The following AGBL4 variants were observed in gnomAD, a reference collection of about 807,000 sequenced individuals.
AGBL4 encodes AGBL carboxypeptidase 4.
In AGBL4, 58 loss-of-function variants were observed where a neutral mutation model predicts 66.4. The observed-to-expected ratio is 0.87, with a 90% CI of 0.71 to 1.09. The LOEUF (loss-of-function observed/expected upper bound fraction) is 1.09. Among genes scored for constraint, AGBL4 ranks in the 50% least tolerant of loss-of-function variants. AGBL4 has a pLI of 0.00. For missense variants in AGBL4, 579 were observed against 631.0 expected (o/e 0.92, Z 0.88); for synonymous variants, 234 against 222.9 (o/e 1.05, Z -0.44).
At chr1:49,372,665 TTC>T (rs1417164544) in intron 3 of AGBL4, among the ~76,000 whole-genome samples, 12 of 109,354 alleles carry the variant, frequency 1.1e-4, no homozygotes, top group Admixed American at 1.7e-4. Flanking sequence ...CTTTCTTTCT[TTC>T]TTTCTTTCTT....
At chr1:49,108,124 C>T (rs1378547666) in intron 4 of AGBL4, among the ~76,000 whole-genome samples, 1 of 152,200 alleles carries the variant, frequency 6.6e-6, no homozygotes, top group South Asian at 2.1e-4. Context: ...CAACCCTCTG[C>T]ACTGTAAGAA....
chr1:48,640,483 C>T (rs562703429), intron 8 of AGBL4, among the ~76,000 whole-genome samples: 5 of 152,318 alleles, frequency 3.3e-5, no homozygotes, highest in African/African-American at 7.2e-5. Context: ...TAGATAGTTA[C>T]TTTCAGATAT....
At chr1:49,022,716 A>G (rs1411228604) in intron 5 of AGBL4, among the ~76,000 whole-genome samples, 1 of 152,186 alleles carries the variant, frequency 6.6e-6, no homozygotes, top group Non-Finnish European at 1.5e-5. Flanking sequence ...AGATGGGTCC[A>G]TCTGGAAGAA....
At chr1:49,572,974 C>A (rs1392987801) in intron 3 of AGBL4, among the ~76,000 whole-genome samples, 1 of 152,152 alleles carries the variant, frequency 6.6e-6, no homozygotes, top group South Asian at 2.1e-4. Flanking sequence ...TTCTCCCATG[C>A]TGGAGGCTTC....
At position 48,601,954 on chromosome 1, in the gene AGBL4, A is replaced by G. The variant is rs530593001; in HGVS notation, c.952-10969T>C. 6.6e-5 allele frequency among the ~76,000 whole-genome samples: 10 copies of G among 152,338 alleles called. No homozygotes were observed. In the South Asian group the frequency reaches 1.9e-3, roughly 28 times the overall value. ...AAAATCAGGGAGCTCTCAACTAAGA[A>G]GAGGACTGAGATACAATTTTTAAGG... On this transcript the variant is annotated intron_variant, in intron 9 of 13. Coordinates refer to ENST00000371839, the MANE Select transcript of AGBL4 (RefSeq NM_032785.4).
intron 4 of AGBL4, among the ~76,000 whole-genome samples, chr1:49,054,487 C>T (rs1293138876): frequency 4.0e-5 from 6 of 151,890 alleles, no homozygotes; most frequent in African/African-American, 1.5e-4. Flanking sequence ...AATCAGCAAA[C>T]CTATTTTGGT....
chr1:49,587,909 T>C (rs1469890351), intron 3 of AGBL4, among the ~76,000 whole-genome samples: 1 of 152,078 alleles, frequency 6.6e-6, no homozygotes, highest in Non-Finnish European at 1.5e-5. Flanking sequence ...ATTCTGAGGC[T>C]CTGTAATTTT....
intron 3 of AGBL4, among the ~76,000 whole-genome samples, chr1:49,647,095 T>G (rs1645904998): frequency 6.6e-6 from 1 of 151,524 alleles, no homozygotes; most frequent in Non-Finnish European, 1.5e-5. Flanking sequence ...ACACAGAAAA[T>G]CTATTCTACC....
intron 3 of AGBL4, among the ~76,000 whole-genome samples, chr1:49,496,146 TG>T (rs1647540252): frequency 6.6e-6 from 1 of 152,110 alleles, no homozygotes; most frequent in East Asian, 1.9e-4. Context: ...GGCAGTGTGG[TG>T]GAGCACAAAA....
At chr1:49,846,947 C>T (rs908887674) in intron 2 of AGBL4, among the ~76,000 whole-genome samples, 1 of 152,192 alleles carries the variant, frequency 6.6e-6, no homozygotes, top group Non-Finnish European at 1.5e-5. Context: ...TCATATTGTA[C>T]CCAAAGGAGC....
At chr1:49,925,573 C>T (rs1282820005) in intron 1 of AGBL4, among the ~76,000 whole-genome samples, 1 of 152,116 alleles carries the variant, frequency 6.6e-6, no homozygotes, top group Admixed American at 6.5e-5. Context: ...CAGGTGGACT[C>T]GTGAGGTCTC....
intron 2 of AGBL4, among the ~76,000 whole-genome samples, chr1:49,768,567 T>C (rs1643961137): frequency 1.3e-5 from 2 of 152,056 alleles, no homozygotes; most frequent in Admixed American, 1.3e-4. Flanking sequence ...ATAGCCAGTA[T>C]CATAGTGAAC....
At chr1:49,844,340 A>G (rs918148109) in intron 2 of AGBL4, among the ~76,000 whole-genome samples, 3 of 152,128 alleles carry the variant, frequency 2.0e-5, no homozygotes, top group African/African-American at 4.8e-5. Flanking sequence ...GCATCTGTGC[A>G]TCTGAGTGCT....
chr1:49,613,508 C>T (rs1027984011), intron 3 of AGBL4, among the ~76,000 whole-genome samples: 1 of 152,174 alleles, frequency 6.6e-6, no homozygotes, highest in African/African-American at 2.4e-5. Flanking sequence ...CACTATCACT[C>T]ACATTACTGC....
chr1:48,846,241 T>C (rs907686137), intron 6 of AGBL4, among the ~76,000 whole-genome samples: 2 of 152,034 alleles, frequency 1.3e-5, no homozygotes, highest in African/African-American at 4.8e-5. Context: ...CTGCTATACC[T>C]GGGTTATTAT....
intron 1 of AGBL4, among the ~76,000 whole-genome samples, chr1:49,980,024 T>A (rs1242154229): frequency 6.6e-6 from 1 of 152,184 alleles, no homozygotes; most frequent in Non-Finnish European, 1.5e-5. Context: ...CTTAATAATA[T>A]TTTCTTTTCT....
intron 6 of AGBL4, among the ~76,000 whole-genome samples, chr1:48,676,773 C>A (rs1341847900): frequency 6.6e-6 from 1 of 152,128 alleles, no homozygotes; most frequent in Admixed American, 6.5e-5. Context: ...TGTTTCTTAA[C>A]CCTGGCTGCT....
intron 3 of AGBL4, among the ~76,000 whole-genome samples, chr1:49,408,898 A>G (rs187296205): frequency 1.3e-4 from 20 of 152,312 alleles, no homozygotes; most frequent in Admixed American, 1.2e-3. Context: ...ACTCCCTTTC[A>G]TATATACATC....
chr1:49,746,648 G>A (rs1289202344), intron 2 of AGBL4, among the ~76,000 whole-genome samples: 3 of 151,990 alleles, frequency 2.0e-5, no homozygotes, highest in South Asian at 2.1e-4. Context: ...GTGCTAAGAC[G>A]AATTTTGAAT....
Sources: allele counts gnomAD v4.1 joint callset (sites outside exome capture counted in the v4.1 genomes callset), GRCh38; gene constraint gnomAD v4.1.1; transcripts MANE v1.5; gene names NCBI Gene and HGNC (gene_info 2026-07-23, HGNC 2026-07-21).